The following STK32B variants were observed in gnomAD, a reference collection of about 807,000 sequenced individuals.
The protein encoded by STK32B is serine/threonine kinase 32B.
STK32B carries 43 observed loss-of-function variants against 52.6 expected under a neutral mutation model. The ratio of observed to expected loss-of-function variants is 0.82; its 90% CI spans 0.64 to 1.05. The LOEUF is 1.05. STK32B is among the 50% of genes least tolerant of loss of function. STK32B has a pLI of 0.00. For synonymous variants in STK32B, 238 were observed against 204.3 expected, an observed-to-expected ratio of 1.17 and a Z score of -1.41; for missense variants, 621 against 534.6, an observed-to-expected ratio of 1.16 and a Z score of -1.59.
rs548611496 is a variant in STK32B at position 5,299,006 on chromosome 4, G to T, written c.261-32214G>T. 1.8e-3 allele frequency among the ~76,000 whole-genome samples: 267 copies of T among 152,074 alleles called. 3 individuals are homozygous for T. The highest frequency in any genetic ancestry group is 6.2e-3 in the African/African-American group (256 of 41,506). ...AGTATCTGGGCCAGATAGCACTGTC[G>T]CTCACGGCACAGTCCCTCATGGCTT... On this transcript the variant is annotated intron_variant, in intron 3 of 11. Transcript: ENST00000282908.
intron 3 of STK32B, among the ~76,000 whole-genome samples, chr4:5,192,770 A>T (rs1721323985): frequency 6.6e-6 from 1 of 152,152 alleles, no homozygotes. Context: ...TTTCGAGTAC[A>T]CAAGTCGTTC....
chr4:5,414,800 A>G (rs1712016876), intron 5 of STK32B, among the ~76,000 whole-genome samples: 2 of 152,248 alleles, frequency 1.3e-5, no homozygotes, highest in South Asian at 4.1e-4. Flanking sequence ...TGGGAGAGAC[A>G]TTGAGGGGCT....
chr4:5,391,841 G>A (rs1286052615), intron 4 of STK32B, among the ~76,000 whole-genome samples: 1 of 152,236 alleles, frequency 6.6e-6, no homozygotes, highest in Non-Finnish European at 1.5e-5. Context: ...TCTCATGCAT[G>A]TATGATGGTA....
chr4:5,157,100 G>A (rs188463662), intron 2 of STK32B, among the ~76,000 whole-genome samples: 1 of 152,230 alleles, frequency 6.6e-6, no homozygotes, highest in East Asian at 1.9e-4. Flanking sequence ...TGTTTGTAAG[G>A]TTCAATGTTC....
In STK32B at chr4:5,303,903, C is replaced by A. The variant is rs562955557; in HGVS notation, c.261-27317C>A. On this transcript the variant is annotated intron_variant, in intron 3 of 11. Transcript: ENST00000282908. ...AGTTGCATTCTTTTACATGGACTTG[C>A]CATTATCCCAGTACCATTTGTTGAA... 3.4e-5 allele frequency among the ~76,000 whole-genome samples: 5 copies of A among 145,930 alleles called. No individual in the cohort carries two copies. In the South Asian group the frequency reaches 1.0e-3, roughly 31 times the overall value.
At chr4:5,413,280 G>C (rs759067573) in intron 5 of STK32B, among the ~76,000 whole-genome samples, 2 of 152,192 alleles carry the variant, frequency 1.3e-5, no homozygotes, top group African/African-American at 2.4e-5. Context: ...GATACTAGCA[G>C]TAGCAAGGAA....
chr4:5,293,632 GC>G (rs1305497594), intron 3 of STK32B, among the ~76,000 whole-genome samples: 2 of 151,994 alleles, frequency 1.3e-5, no homozygotes, highest in African/African-American at 4.8e-5. Flanking sequence ...TTTTGATGGG[GC>G]TGTTTGTTTT....
At chr4:5,164,409 G>A (rs909410997) in intron 2 of STK32B, among the ~76,000 whole-genome samples, 23 of 152,238 alleles carry the variant, frequency 1.5e-4, no homozygotes, top group Admixed American at 3.3e-4. Context: ...GTTTGGGCCC[G>A]TCCTAATCCA....
intron 9 of STK32B, among the ~76,000 whole-genome samples, chr4:5,464,175 G>GT (rs998241267): frequency 2.0e-5 from 3 of 152,178 alleles, no homozygotes; most frequent in Non-Finnish European, 1.5e-5. Context: ...CTATTGTGAG[G>GT]ACAGCACCTA....
intron 1 of STK32B, among the ~76,000 whole-genome samples, chr4:5,069,070 G>A (rs1306093895): frequency 6.6e-6 from 1 of 152,140 alleles, no homozygotes. Context: ...TTGTAAATGT[G>A]TGAATGAGCA....
chr4:5,083,008 T>C (rs944117053), intron 1 of STK32B, among the ~76,000 whole-genome samples: 1 of 152,216 alleles, frequency 6.6e-6, no homozygotes, highest in Admixed American at 6.5e-5. Flanking sequence ...ACGAACACTT[T>C]ATTTTACCTA....
chr4:5,275,995 A>G (rs1230684703), intron 3 of STK32B, among the ~76,000 whole-genome samples: 14 of 152,134 alleles, frequency 9.2e-5, no homozygotes, highest in Non-Finnish European at 2.9e-5. Context: ...CCTATATTTT[A>G]AAAGACATTT....
At chr4:5,158,975 A>G (rs1718091458) in intron 2 of STK32B, among the ~76,000 whole-genome samples, 1 of 152,194 alleles carries the variant, frequency 6.6e-6, no homozygotes, top group South Asian at 2.1e-4. Flanking sequence ...TAAACATGTC[A>G]TTCAAGCCAT....
chr4:5,163,991 C>T (rs1307877166), intron 2 of STK32B, among the ~76,000 whole-genome samples: 1 of 152,172 alleles, frequency 6.6e-6, no homozygotes. Flanking sequence ...GGAGACCCGA[C>T]TGTGGACCTG....
chr4:5,292,498 T>C (rs183332064), intron 3 of STK32B, among the ~76,000 whole-genome samples: 205 of 152,214 alleles, frequency 1.3e-3, no homozygotes, highest in African/African-American at 4.5e-3. Flanking sequence ...CTGTTTTTTT[T>C]CTTGTTGATT....
At chr4:5,248,513 C>A (rs893405119) in intron 3 of STK32B, among the ~76,000 whole-genome samples, 19 of 152,298 alleles carry the variant, frequency 1.2e-4, no homozygotes, top group African/African-American at 3.8e-4. Context: ...CAATTTAACT[C>A]CTCATGTTAG....
chr4:5,318,750 A>T (rs1462225644), intron 3 of STK32B, among the ~76,000 whole-genome samples: 1 of 152,162 alleles, frequency 6.6e-6, no homozygotes, highest in Non-Finnish European at 1.5e-5. Context: ...CTGTAGAAGG[A>T]TGCAGTGGGC....
chr4:5,324,515 C>G (rs1039261430), intron 3 of STK32B, among the ~76,000 whole-genome samples: 2 of 152,140 alleles, frequency 1.3e-5, no homozygotes, highest in Admixed American at 6.5e-5. Flanking sequence ...CAGTCTTAAG[C>G]AGGGTTTTTC....
chr4:5,399,957 T>C lies in STK32B; in HGVS notation c.472+1713T>C, dbSNP rs1577446564. ...TGCTTAGCTGTCTGGAAAGCAGGGG[T>C]CTGGAAGGCTGGGTTCCAGGCAGCA... On this transcript the variant is annotated intron_variant, in intron 5 of 11. Coordinates refer to ENST00000282908, the MANE Select transcript of STK32B (RefSeq NM_018401.3). The surrounding 1 kb of genome is among the most constrained non-coding windows in gnomAD (Gnocchi z 5.4). 1.3e-5 allele frequency among the ~76,000 whole-genome samples: 2 copies of C among 152,150 alleles called. No homozygotes were observed. The highest frequency in any genetic ancestry group is 4.2e-4 in the South Asian group (2 of 4,810).
Sources: allele counts gnomAD v4.1 joint callset (sites outside exome capture counted in the v4.1 genomes callset), GRCh38; gene constraint gnomAD v4.1.1; non-coding constraint Gnocchi (gnomAD v3.1); transcripts MANE v1.5; gene names NCBI Gene and HGNC (gene_info 2026-07-23, HGNC 2026-07-21).